Variants in THADA observed in about 807,000 individuals in gnomAD.
The protein encoded by THADA is THADA armadillo repeat containing.
A neutral mutation model predicts 219.8 loss-of-function variants in THADA; 213 were observed. The ratio of observed to expected loss-of-function variants is 0.97; its 90% CI spans 0.87 to 1.09. THADA has a LOEUF of 1.09. Ranked by LOEUF, THADA falls within the 50% of genes least tolerant of loss-of-function variation. The pLI is 0.00. For synonymous variants in THADA, 1,018 were observed against 828.9 expected (o/e 1.23, Z -3.92); for missense variants, 2,956 against 2,311.3 (o/e 1.28, Z -5.72).
intron 29 of THADA, among the ~76,000 whole-genome samples, chr2:43,368,263 G>T (rs72790911): frequency 0.022 from 3,376 of 152,220 alleles, 81 homozygotes; most frequent in Admixed American, 0.083. Flanking sequence ...ATCTTAAGGA[G>T]GTACAAAAGT....
chr2:43,304,688 T>TG (rs1017845638), intron 31 of THADA, among the ~76,000 whole-genome samples: 1 of 151,866 alleles, frequency 6.6e-6, no homozygotes, highest in African/African-American at 2.4e-5. Context: ...TTTTTTTTTT[T>TG]TGTGATGGAG....
At chr2:43,464,254 C>A (rs975425028) in intron 26 of THADA, among the ~76,000 whole-genome samples, 4 of 151,840 alleles carry the variant, frequency 2.6e-5, no homozygotes, top group Non-Finnish European at 4.4e-5. Flanking sequence ...AACTATATAA[C>A]AAAGGAATCT....
At chr2:43,590,553 G>A (rs1474056975) in intron 4 of THADA, among the ~76,000 whole-genome samples, 2 of 150,436 alleles carry the variant, frequency 1.3e-5, no homozygotes, top group Non-Finnish European at 2.9e-5. Context: ...GCTGAGGCAG[G>A]AGAATGGCGT....
At chr2:43,588,293 A>G (rs917092095) in intron 4 of THADA, among the ~76,000 whole-genome samples, 1 of 134,028 alleles carries the variant, frequency 7.5e-6, no homozygotes, top group Non-Finnish European at 1.6e-5. Flanking sequence ...AAAGTTGAGC[A>G]AAAAAAAAAA....
chr2:43,308,768 A>C (rs1163381051), intron 31 of THADA, among the ~76,000 whole-genome samples: 13 of 149,560 alleles, frequency 8.7e-5, no homozygotes, highest in South Asian at 2.1e-4. Flanking sequence ...CAAAAAAAAA[A>C]AAAAAAAAAA....
intron 26 of THADA, among the ~76,000 whole-genome samples, chr2:43,433,798 G>A (rs1180474062): frequency 2.0e-5 from 3 of 151,822 alleles, no homozygotes; most frequent in African/African-American, 4.8e-5. Flanking sequence ...AGCAATTCTC[G>A]TGCCTCAGCC....
At chr2:43,310,222 T>TTA (rs1366706553) in intron 31 of THADA, among the ~76,000 whole-genome samples, 1 of 64,498 alleles carries the variant, frequency 1.6e-5, no homozygotes, top group Admixed American at 1.8e-4. Context: ...TCCCTCCCTT[T>TTA]CCCGCCCCCC....
chr2:43,468,671 C>T (rs770354717), intron 26 of THADA, among the ~76,000 whole-genome samples: 1 of 152,114 alleles, frequency 6.6e-6, no homozygotes, highest in African/African-American at 2.4e-5. Flanking sequence ...AATACAATCC[C>T]CCACCAACTT....
At chr2:43,428,332 G>C in intron 27 of THADA, 101 bp from the exon 28 acceptor site, 1 of 1,190,416 alleles carries the variant, frequency 8.4e-7, no homozygotes, top group Non-Finnish European at 1.2e-6. Flanking sequence ...ATATGGCCGG[G>C]TGCGGTGACT....
chr2:43,591,402 C>T (rs1447197404), intron 3 of THADA, among the ~76,000 whole-genome samples: 5 of 152,216 alleles, frequency 3.3e-5, no homozygotes, highest in Admixed American at 6.5e-5. Context: ...GATTTAAACA[C>T]CTATTTCACT....
At chr2:43,537,030 T>C (rs1192148967) in intron 21 of THADA, among the ~76,000 whole-genome samples, 1 of 152,220 alleles carries the variant, frequency 6.6e-6, no homozygotes, top group Non-Finnish European at 1.5e-5. Context: ...CTAATTTCAC[T>C]TTGGTTAAAC....
In THADA at chr2:43,505,733, T is replaced by C. The variant is rs1393065669; in HGVS notation, c.3510A>G (p.Ala1170=). 1.9e-6 allele frequency: 3 copies of C among 1,573,664 alleles called. No homozygotes were observed. Among genetic ancestry groups the C allele is most frequent in the East Asian group, 2.3e-5 (1 of 44,016 alleles). The change falls in exon 24 of 38, where the codon GCA becomes GCG. Residue 1170 remains alanine, a splice_region_variant and synonymous_variant. Transcript: ENST00000405975. ...RSAGIPFYIQ[A]LLASEPKKGR... is the part of the protein sequence containing the mutation. ...CTTTCTTTGGTTCAGATGCCAACAGTGCCTATGGAAAAAGAATGCAAAAAT... is the reference window on the plus strand; with the variant it reads ...CTTTCTTTGGTTCAGATGCCAACAGCGCCTATGGAAAAAGAATGCAAAAAT...
chr2:43,380,714 T>C (rs1304719159), intron 29 of THADA, among the ~76,000 whole-genome samples: 2 of 152,126 alleles, frequency 1.3e-5, no homozygotes, highest in Non-Finnish European at 2.9e-5. Context: ...CATTCTCCAA[T>C]AAAAGAAACC....
At chr2:43,548,026 T>A (rs1696262604) in intron 20 of THADA, among the ~76,000 whole-genome samples, 1 of 152,158 alleles carries the variant, frequency 6.6e-6, no homozygotes, top group African/African-American at 2.4e-5. Flanking sequence ...ATGATGGTGA[T>A]GTACAGATGG....
At chr2:43,392,634 C>A (rs921001741) in intron 29 of THADA, among the ~76,000 whole-genome samples, 13 of 152,184 alleles carry the variant, frequency 8.5e-5, no homozygotes, top group African/African-American at 3.1e-4. Context: ...CTACTGTTCC[C>A]ATCACGTAAA....
chr2:43,419,849 T>C (rs371608325), intron 28 of THADA, among the ~76,000 whole-genome samples: 20 of 152,356 alleles, frequency 1.3e-4, no homozygotes, highest in African/African-American at 4.6e-4. Flanking sequence ...AATTCATTAC[T>C]TCCACAAGAC....
chr2:43,549,200 T>C lies in THADA; in HGVS notation c.3106+10A>G, dbSNP rs539534155. 3 of 1,552,076 alleles carry C rather than the reference T, an allele frequency of 1.9e-6. No homozygotes were observed. The highest frequency in any genetic ancestry group is 2.6e-6 in the Non-Finnish European group (3 of 1,150,760). On this transcript the variant is annotated intron_variant, in intron 20 of 37. Coordinates refer to ENST00000405975, the MANE Select transcript of THADA (RefSeq NM_022065.5). ...AACATGAATTACAGTATCCATTTTA[T>C]ACAAGTTACCTTTGATTTCTGTAGA...
intron 28 of THADA, among the ~76,000 whole-genome samples, chr2:43,413,482 A>T (rs923681342): frequency 2.0e-5 from 3 of 152,242 alleles, no homozygotes; most frequent in African/African-American, 7.2e-5. Context: ...ATGCTTGGCT[A>T]CTTAATGGCT....
intron 36 of THADA, among the ~76,000 whole-genome samples, chr2:43,248,965 CACAGTA>C (rs1669541801): frequency 6.6e-6 from 1 of 152,202 alleles, no homozygotes; most frequent in African/African-American, 2.4e-5. Context: ...CCTCTGTATG[CACAGTA>C]ACCTGTCTGA....
Sources: allele counts gnomAD v4.1 joint callset (sites outside exome capture counted in the v4.1 genomes callset), GRCh38; gene constraint gnomAD v4.1.1; transcripts MANE v1.5; gene names NCBI Gene and HGNC (gene_info 2026-07-23, HGNC 2026-07-21).